ABCB9: variants seen among roughly 807,000 people sequenced by gnomAD.
ABCB9 encodes ATP binding cassette subfamily B member 9.
In ABCB9, 36 loss-of-function variants were observed where a neutral mutation model predicts 62.0. The ratio of observed to expected loss-of-function variants is 0.58; its 90% confidence interval spans 0.45 to 0.77. The LOEUF (loss-of-function observed/expected upper bound fraction) is 0.77. ABCB9 is among the 30% of genes least tolerant of loss of function. ABCB9 has a pLI of 0.00. For synonymous variants in ABCB9, 435 were observed against 461.4 expected, an observed-to-expected ratio of 0.94 and a Z score of 0.73; for missense variants, 943 against 1,054.7, an observed-to-expected ratio of 0.89 and a Z score of 1.47.
intron 1 of ABCB9, among the ~76,000 whole-genome samples, chr12:122,961,146 T>TGAATAGGA (rs1181515805): frequency 6.7e-6 from 1 of 150,296 alleles, no homozygotes; most frequent in Non-Finnish European, 1.5e-5. Context: ...GGGGTGAGGG[T>TGAATAGGA]GAATAGGATA....
intron 7 of ABCB9, among the ~76,000 whole-genome samples, chr12:122,943,969 C>T (rs921308328): frequency 2.6e-5 from 4 of 151,224 alleles, no homozygotes; most frequent in Non-Finnish European, 5.9e-5. Flanking sequence ...GACGGAGTCT[C>T]GCTCTGTCAC....
rs1359760700 is a variant in ABCB9 at position 122,964,020 on chromosome 12, G to A, written c.-88+2267C>T. Among the ~76,000 whole-genome samples the A allele has an allele frequency of 6.6e-6, 1 of 152,188 alleles. No individual in the cohort carries two copies. The highest frequency in any genetic ancestry group is 6.5e-5 in the Admixed American group (1 of 15,280). ...CTCCAGTCAGAGCCCAGGGAGGGAA[G>A]CTCCTGGCCTGGTGCCATTCCAGGC... On this transcript the variant is annotated intron_variant, in intron 1 of 11. Coordinates refer to ENST00000280560, the MANE Select transcript of ABCB9 (RefSeq NM_019625.4). This position sits in a 1 kb window ranked among gnomAD's most constrained non-coding sequence, Gnocchi z 4.7.
chr12:122,928,948 C>T (rs2034991067), downstream of ABCB9: 1 of 969,194 alleles, frequency 1.0e-6, no homozygotes, highest in Non-Finnish European at 1.2e-6. Flanking sequence ...GGTGGAAAAA[C>T]CTAACTGGGC....
rs1335856430 is a variant in ABCB9, at chr12:122,947,075, A to G, written c.1054-853T>C. Among the ~76,000 whole-genome samples, 1 of 152,212 alleles carries G rather than the reference A, an allele frequency of 6.6e-6. No individual in the cohort carries two copies. Among genetic ancestry groups the G allele is most frequent in the African/African-American group, 2.4e-5 (1 of 41,448 alleles). On this transcript the variant is annotated intron_variant, in intron 5 of 11. Transcript: ENST00000280560. This position sits in a 1 kb window ranked among gnomAD's most constrained non-coding sequence, Gnocchi z 6.0. ...ATGACTCGCTGGCTACACACAACACATTCAGGCATGGGGTGGAAAACCCAA... is the reference window on the plus strand; with the variant it reads ...ATGACTCGCTGGCTACACACAACACGTTCAGGCATGGGGTGGAAAACCCAA...
intron 7 of ABCB9, among the ~76,000 whole-genome samples, chr12:122,942,237 G>A (rs1309375465): frequency 1.3e-5 from 2 of 151,828 alleles, no homozygotes; most frequent in Non-Finnish European, 2.9e-5. Context: ...GGGTGATATC[G>A]GCATCTGTGT....
downstream of ABCB9, among the ~76,000 whole-genome samples, chr12:122,926,016 C>T (rs2135738263): frequency 6.6e-6 from 1 of 152,284 alleles, no homozygotes; most frequent in Middle Eastern, 3.4e-3. Context: ...GTTCCATGTA[C>T]ATGAAAAGGC....
intron 9 of ABCB9, among the ~76,000 whole-genome samples, chr12:122,935,694 A>G (rs2035425013): frequency 2.6e-5 from 4 of 152,280 alleles, no homozygotes; most frequent in South Asian, 4.1e-4. Flanking sequence ...CCTGACCTCT[A>G]AGAGAAAGCT....
Position 122,929,482 on chromosome 12 carries a change from C to A in ABCB9, c.*429G>T, listed in dbSNP as rs904842753. On this transcript the variant is annotated 3_prime_UTR_variant, in exon 12 of 12. Coordinates refer to ENST00000280560, the MANE Select transcript of ABCB9 (RefSeq NM_019625.4). This position sits in a 1 kb window ranked among gnomAD's most constrained non-coding sequence, Gnocchi z 6.0. Reference sequence around the variant, plus strand: ...AAAGGGGAGAGGCCTAGTCTCTGGACATCCCCCAGGCTACTAAGGAAGGGC... The same window carrying A: ...AAAGGGGAGAGGCCTAGTCTCTGGAAATCCCCCAGGCTACTAAGGAAGGGC... 1 of 993,014 alleles carries A rather than the reference C, an allele frequency of 1.0e-6. No homozygotes were observed. Among genetic ancestry groups the A allele is most frequent in the African/African-American group, 1.7e-5 (1 of 57,568 alleles). 61.5% of individuals were successfully genotyped at this position (993,014 alleles called of 1,614,324 possible). A position where few individuals can be genotyped will look rare whatever the true frequency, so the allele number is the denominator to read the frequency against.
rs1447074081 is a variant in ABCB9 at position 122,947,179 on chromosome 12, G to A, written c.1054-957C>T. Reference sequence around the variant, plus strand: ...GCACACAGAGGTGGGGGCTGAGGGGGAGCTCCAGGGTTTCTTGCTCCATCC... The same window carrying A: ...GCACACAGAGGTGGGGGCTGAGGGGAAGCTCCAGGGTTTCTTGCTCCATCC... On this transcript the variant is annotated intron_variant, in intron 5 of 11. Transcript: ENST00000280560. This position sits in a 1 kb window ranked among gnomAD's most constrained non-coding sequence, Gnocchi z 6.0. Among the ~76,000 whole-genome samples the A allele has an allele frequency of 6.6e-6, 1 of 152,238 alleles. No individual in the cohort carries two copies. The highest frequency in any genetic ancestry group is 6.5e-5 in the Admixed American group (1 of 15,286).
At chr12:122,921,489 A>G (rs1158908236) in intron 11 of ABCB9, among the ~76,000 whole-genome samples, 1 of 152,112 alleles carries the variant, frequency 6.6e-6, no homozygotes, top group Non-Finnish European at 1.5e-5. Flanking sequence ...TTAAAAAGCA[A>G]ACATTGGCCG....
chr12:122,967,210 C>T (rs1194064361), upstream of ABCB9, among the ~76,000 whole-genome samples: 1 of 152,138 alleles, frequency 6.6e-6, no homozygotes, highest in Non-Finnish European at 1.5e-5. Context: ...GTGAAGGGGA[C>T]AGAACATCAG....
chr12:122,925,123 G>A (rs778498708), downstream of ABCB9, among the ~76,000 whole-genome samples: 58 of 152,152 alleles, frequency 3.8e-4, no homozygotes, highest in Non-Finnish European at 7.6e-4. Flanking sequence ...GTTTCACCAC[G>A]TTGCCCAGGC....
downstream of ABCB9, among the ~76,000 whole-genome samples, chr12:122,918,620 G>A (rs768155411): frequency 2.6e-5 from 4 of 151,622 alleles, no homozygotes; most frequent in Admixed American, 6.6e-5. Context: ...CACCACGCAC[G>A]ACTAATATTT....
chr12:122,944,769 A>G lies in ABCB9; in HGVS notation c.1252-250T>C. On this transcript the variant is annotated intron_variant, in intron 6 of 11. Transcript: ENST00000280560. This position sits in a 1 kb window ranked among gnomAD's most constrained non-coding sequence, Gnocchi z 4.9. Reference sequence around the variant, plus strand: ...GCCACAGAACAAGGCTTTCTTTGTGAGGTCCTGGCACACACATGCCACCCC... The same window carrying G: ...GCCACAGAACAAGGCTTTCTTTGTGGGGTCCTGGCACACACATGCCACCCC... 2.4e-6 allele frequency: 1 copy of G among 424,562 alleles called. No individual in the cohort carries two copies. 26.3% of individuals were successfully genotyped at this position (424,562 alleles called of 1,614,324 possible).
In ABCB9 at chr12:122,929,785, G is replaced by A. The variant is rs1049518282; in HGVS notation, c.*126C>T. 1.1e-5 allele frequency: 15 copies of A among 1,426,240 alleles called. No individual in the cohort carries two copies. Among genetic ancestry groups the A allele is most frequent in the African/African-American group, 2.9e-5 (2 of 69,748 alleles). The allele number at this position is 1,426,240 out of a possible 1,614,324, so 88.3% of individuals were successfully genotyped here. A position where few individuals can be genotyped will look rare whatever the true frequency, so the allele number is the denominator to read the frequency against. ...AAGATGCAGGAAGCGGTGATCCATG[G>A]GACATGGCAGGTCGTCTTTCAGTGC... On this transcript the variant is annotated 3_prime_UTR_variant, in exon 12 of 12. Transcript: ENST00000280560. The surrounding 1 kb of genome is among the most constrained non-coding windows in gnomAD (Gnocchi z 6.0).
chr12:122,945,960 A>G, intron 6 of ABCB9, 65 bp downstream of exon 6: 1 of 1,541,110 alleles, frequency 6.5e-7, no homozygotes, highest in Non-Finnish European at 8.9e-7. Flanking sequence ...TCCTAGATCG[A>G]GGGCTTCCCC....
intron 1 of ABCB9, among the ~76,000 whole-genome samples, chr12:122,963,259 C>T (rs777106546): frequency 1.3e-5 from 2 of 152,154 alleles, no homozygotes; most frequent in Non-Finnish European, 2.9e-5. Flanking sequence ...GATTGCGCCA[C>T]TGCACTCCAG....
At chr12:122,958,899 A>G (rs1305237516) in intron 2 of ABCB9, among the ~76,000 whole-genome samples, 1 of 151,464 alleles carries the variant, frequency 6.6e-6, no homozygotes, top group Non-Finnish European at 1.5e-5. Flanking sequence ...CTTGTCTTTT[A>G]CTTTTTCCTT....
chr12:122,942,226 G>A (rs1461143470), intron 7 of ABCB9, among the ~76,000 whole-genome samples: 1 of 152,040 alleles, frequency 6.6e-6, no homozygotes, highest in African/African-American at 2.4e-5. Flanking sequence ...TGGTGATAAG[G>A]GGGTGATATC....
Sources: gnomAD v4.1 joint callset for allele counts (sites outside exome capture counted in the v4.1 genomes callset) on GRCh38, gnomAD v4.1.1 for gene constraint, Gnocchi (gnomAD v3.1) non-coding constraint, MANE v1.5 for transcripts, NCBI Gene and HGNC (gene_info 2026-07-23, HGNC 2026-07-21) for gene names.